CD33: variants seen among roughly 807,000 people sequenced by gnomAD.
The protein encoded by CD33 is myeloid cell surface antigen CD33.
A neutral mutation model predicts 31.4 loss-of-function variants in CD33; 25 were observed. The observed-to-expected ratio is 0.80, with a 90% CI of 0.58 to 1.11. The LOEUF is 1.11. Ranked by LOEUF, CD33 falls within the 50% of genes most tolerant of loss-of-function variation. The pLI is 0.00. For missense variants in CD33, 407 were observed against 448.1 expected (o/e 0.91, Z 0.83); for synonymous variants, 176 against 180.6 (o/e 0.97, Z 0.20).
Position 51,225,888 on chromosome 19 carries a change from C to T in CD33, c.504C>T (p.Ala168=), listed in dbSNP as rs1012555381. 5 of 1,613,976 alleles carry T rather than the reference C, an allele frequency of 3.1e-6. No homozygotes were observed. The African/African-American group carries it at 4.0e-5, about 13-fold the overall frequency. Reference sequence around the variant, plus strand: ...ACCTGACCTGCTCTGTGTCCTGGGCCTGTGAGCAGGGAACACCCCCGATCT... The same window carrying T: ...ACCTGACCTGCTCTGTGTCCTGGGCTTGTGAGCAGGGAACACCCCCGATCT... The part of the protein sequence containing the change: ...SKNLTCSVSW[A]CEQGTPPIFS... The change falls in exon 3 of 7, where the codon GCC becomes GCT. Residue 168 remains alanine, a synonymous_variant. Transcript: ENST00000262262.
the CD33 span, among the ~76,000 whole-genome samples, chr19:51,214,567 A>G: frequency 6.6e-6 from 1 of 152,224 alleles, no homozygotes; most frequent in East Asian, 1.9e-4. Context: ...TTTAATATGC[A>G]TTAACATAAT....
intron 4 of CD33, among the ~76,000 whole-genome samples, chr19:51,231,771 T>A (rs960439473): frequency 6.6e-6 from 1 of 152,062 alleles, no homozygotes; most frequent in African/African-American, 2.4e-5. Flanking sequence ...TTATTATTTT[T>A]TTTTTGAGAA....
chr19:51,239,571 A>T lies in CD33; in HGVS notation c.978A>T (p.Ser326=). ...LHGPTETSSC[S]GAAPTVEMDE... is the part of the protein sequence containing the mutation. ...GCCCCACTGAAACCTCAAGCTGTTC[A>T]GGTGCCGCCCCTACTGTGGAGATGG... is the stretch of plus-strand genomic sequence containing the variant. The change falls in exon 7 of 7, where the codon TCA becomes TCT. Residue 326 remains serine (S), a synonymous_variant. Transcript: ENST00000262262. 6.2e-7 allele frequency: 1 copy of T among 1,613,406 alleles called. No individual in the cohort carries two copies. Among genetic ancestry groups the T allele is most frequent in the Non-Finnish European group, 8.5e-7 (1 of 1,179,700 alleles).
At chr19:51,215,145 G>A in the CD33 span, among the ~76,000 whole-genome samples, 4 of 152,170 alleles carry the variant, frequency 2.6e-5, no homozygotes, top group African/African-American at 9.7e-5. Flanking sequence ...CCCAGGGGAA[G>A]TGTGTGGAGG....
At chr19:51,211,789 C>T in the CD33 span, 2 of 830,050 alleles carry the variant, frequency 2.4e-6, no homozygotes, top group East Asian at 4.9e-5. Context: ...GTTTCCTCAC[C>T]AGCCCTGACC....
At chr19:51,215,507 G>A in the CD33 span, among the ~76,000 whole-genome samples, 1 of 152,170 alleles carries the variant, frequency 6.6e-6, no homozygotes, top group African/African-American at 2.4e-5. Flanking sequence ...AGGTGGCAAA[G>A]GCAGCAGCAG....
At chr19:51,227,616 T>C (rs1599868174) in intron 4 of CD33, among the ~76,000 whole-genome samples, 3 of 152,358 alleles carry the variant, frequency 2.0e-5, no homozygotes, top group Non-Finnish European at 4.4e-5. Context: ...GTTCTGGATA[T>C]GAATCACTTG....
the CD33 span, among the ~76,000 whole-genome samples, chr19:51,214,906 G>A: frequency 2.6e-5 from 4 of 152,284 alleles, no homozygotes; most frequent in Admixed American, 1.3e-4. Flanking sequence ...GGTAAGCCCT[G>A]GGCTCATGTG....
chr19:51,231,608 T>C (rs1475503070), intron 4 of CD33, among the ~76,000 whole-genome samples: 2 of 151,502 alleles, frequency 1.3e-5, no homozygotes, highest in African/African-American at 4.8e-5. Context: ...CTGATGTTTT[T>C]TTTTTTTTTG....
At chr19:51,211,742 C>A in the CD33 span, 2 of 778,138 alleles carry the variant, frequency 2.6e-6, no homozygotes, top group Non-Finnish European at 4.3e-6. Context: ...TCCCTCAGGG[C>A]TGTACCTCAG....
Position 51,239,803 on chromosome 19 carries a change from A to C in CD33, c.*115A>C. On this transcript the variant is annotated 3_prime_UTR_variant, in exon 7 of 7. Coordinates refer to ENST00000262262, the MANE Select transcript of CD33 (RefSeq NM_001772.4). Reference sequence around the variant, plus strand: ...CACAGGCAATGGGTTTATAGACATTATGTGAGTTTCCTGCTATATTAACAT... The same window carrying C: ...CACAGGCAATGGGTTTATAGACATTCTGTGAGTTTCCTGCTATATTAACAT... The C allele has an allele frequency of 1.4e-6, 1 of 710,748 alleles. No homozygotes were observed. The highest frequency in any genetic ancestry group is 2.2e-6 in the Non-Finnish European group (1 of 451,686). 44.0% of individuals were successfully genotyped at this position (710,748 alleles called of 1,614,324 possible). A position where few individuals can be genotyped will look rare whatever the true frequency, so the allele number is the denominator to read the frequency against.
rs1315616154 is a variant in CD33 at position 51,225,123 on chromosome 19, C to T, written c.5C>T (p.Pro2Leu). The T allele has an allele frequency of 3.1e-6, 5 of 1,613,978 alleles. No individual in the cohort carries two copies. Among genetic ancestry groups the T allele is most frequent in the African/African-American group, 1.3e-5 (1 of 75,054 alleles). M[P>L]LLLLLPLLWA... ...CTGGAAGCTGCTTCCTCAGACATGCCGCTGCTGCTACTGCTGCCCCTGCTG... is the reference window on the plus strand; with the variant it reads ...CTGGAAGCTGCTTCCTCAGACATGCTGCTGCTGCTACTGCTGCCCCTGCTG... The change falls in exon 1 of 7, where the codon CCG becomes CTG. Residue 2 changes from proline to leucine, a missense_variant. By Grantham distance (98) the Pro-to-Leu change is moderately conservative (BLOSUM62 -3). Transcript: ENST00000262262.
intron 5 of CD33, 60 bp from the exon 6 acceptor site, chr19:51,235,535 A>T (rs566640100): frequency 3.2e-6 from 5 of 1,560,298 alleles, no homozygotes; most frequent in Non-Finnish European, 4.3e-6. Context: ...TTCCAGGCTC[A>T]TAACAATGGC....
At chr19:51,222,499 CA>C (rs535566914), upstream of CD33, among the ~76,000 whole-genome samples, 290 of 152,276 alleles carry the variant, frequency 1.9e-3, 1 homozygote, top group Middle Eastern at 0.02. Context: ...AGAAATAAAA[CA>C]TTATAGTATA....
At chr19:51,211,260 G>A in the CD33 span, 21,529 of 1,566,734 alleles carry the variant, frequency 0.014, 2,194 homozygotes, top group African/African-American at 0.24. Flanking sequence ...AGTCAGTGAC[G>A]GTACAGGAGG....
intron 4 of CD33, among the ~76,000 whole-genome samples, chr19:51,229,260 T>G (rs954131504): frequency 2.0e-5 from 3 of 152,254 alleles, no homozygotes; most frequent in Non-Finnish European, 4.4e-5. Flanking sequence ...TCATGGTATG[T>G]TATCTTTTTG....
At chr19:51,214,800 T>A in the CD33 span, among the ~76,000 whole-genome samples, 14 of 152,332 alleles carry the variant, frequency 9.2e-5, no homozygotes, top group Admixed American at 4.6e-4. Context: ...ACTTTTCTGA[T>A]AGTGTCAATC....
upstream of CD33, among the ~76,000 whole-genome samples, chr19:51,221,797 A>G (rs1980700427): frequency 6.6e-6 from 1 of 152,242 alleles, no homozygotes; most frequent in Non-Finnish European, 1.5e-5. Flanking sequence ...GGGTCCATAA[A>G]AACAGTGAGT....
At chr19:51,235,401 TG>T in intron 5 of CD33, 148 bp downstream of exon 5, 1 of 1,216,804 alleles carries the variant, frequency 8.2e-7, no homozygotes, top group Non-Finnish European at 1.1e-6. Context: ...GGGATAGGCG[TG>T]GGTCTATTCC....
Sources: gnomAD v4.1 joint callset for allele counts (sites outside exome capture counted in the v4.1 genomes callset) on GRCh38, gnomAD v4.1.1 for gene constraint, MANE v1.5 for transcripts, NCBI Gene and HGNC (gene_info 2026-07-23, HGNC 2026-07-21) for gene names.